The following STEAP3 variants were observed in gnomAD, a reference collection of about 807,000 sequenced individuals.
STEAP3 encodes the protein metalloreductase STEAP3.
STEAP3 carries 35 observed loss-of-function variants against 34.9 expected under a neutral mutation model. That is an observed-to-expected ratio of 1.00 (90% CI 0.76 to 1.33). The LOEUF (loss-of-function observed/expected upper bound fraction) is 1.33. Among genes scored for constraint, STEAP3 ranks in the 40% most tolerant of loss-of-function variants. STEAP3 has a pLI of 0.00. For missense variants in STEAP3, 652 were observed against 667.6 expected (o/e 0.98, Z 0.26); for synonymous variants, 281 against 301.6 (o/e 0.93, Z 0.71).
At chr2:119,246,016 G>T in intron 3 of STEAP3, 28 bp downstream of exon 3, 4 of 1,587,030 alleles carry the variant, frequency 2.5e-6, no homozygotes, top group South Asian at 1.1e-5. Flanking sequence ...AATACCCATC[G>T]TAACAATAAA....
At position 119,245,797 on chromosome 2, in the gene STEAP3, A is replaced by G; in HGVS notation, c.331A>G (p.Ser111Gly). 1 of 1,614,212 alleles carries G rather than the reference A, an allele frequency of 6.2e-7. No individual in the cohort carries two copies. The highest frequency in any genetic ancestry group is 8.5e-7 in the Non-Finnish European group (1 of 1,180,038). Residue 111 changes from serine (S) to glycine (G), a missense_variant, in exon 3 of 6, where the codon AGT (serine) becomes GGT (glycine). Ser to Gly is a moderately conservative substitution (Grantham distance 56). Transcript: ENST00000393110. ...VFREHYSSLC[S>G]LSDQLAGKIL... Reference sequence around the variant, plus strand: ...CCGGGAGCACTACTCTTCACTGTGCAGTCTCAGTGACCAGCTGGCGGGCAA... The same window carrying G: ...CCGGGAGCACTACTCTTCACTGTGCGGTCTCAGTGACCAGCTGGCGGGCAA...
chr2:119,260,861 G>T (rs1677922060), intron 5 of STEAP3, among the ~76,000 whole-genome samples: 1 of 152,164 alleles, frequency 6.6e-6, no homozygotes, highest in African/African-American at 2.4e-5. Flanking sequence ...ACTCTTCGTG[G>T]TGAGCCAGAA....
intron 1 of STEAP3, among the ~76,000 whole-genome samples, chr2:119,226,025 A>G (rs1036225387): frequency 2.0e-5 from 3 of 152,230 alleles, no homozygotes; most frequent in South Asian, 2.1e-4. Flanking sequence ...TAGCTTTCCT[A>G]GAGAAGGCAA....
intron 5 of STEAP3, among the ~76,000 whole-genome samples, chr2:119,261,133 G>A (rs1677929024): frequency 6.6e-6 from 1 of 152,026 alleles, no homozygotes; most frequent in African/African-American, 2.4e-5. Context: ...TGTCTGTCCT[G>A]GAGCAGGAAA....
intron 2 of STEAP3, chr2:119,245,211 T>C (rs2104817873): frequency 2.2e-6 from 1 of 447,352 alleles, no homozygotes; most frequent in East Asian, 3.4e-5. Context: ...CCCAGCACTC[T>C]CACTCTGCCA....
At chr2:119,232,729 G>A (rs1246701797) in intron 2 of STEAP3, among the ~76,000 whole-genome samples, 1 of 152,144 alleles carries the variant, frequency 6.6e-6, no homozygotes, top group Admixed American at 6.5e-5. Context: ...CATATCCAAG[G>A]GTGTTAGTTT....
At chr2:119,255,430 T>A (rs1375624969) in intron 5 of STEAP3, among the ~76,000 whole-genome samples, 1 of 152,192 alleles carries the variant, frequency 6.6e-6, no homozygotes, top group East Asian at 1.9e-4. Context: ...AAAGGAGGTC[T>A]GTCATCAGAT....
Position 119,248,014 on chromosome 2 carries a change from G to A in STEAP3, c.858G>A (p.Leu286=), listed in dbSNP as rs753933643. ...LLSLVYLPGV[L]AAALQLRRGT... is the part of the protein sequence containing the mutation. ...CACTCGTGTACTTGCCCGGCGTGCT[G>A]GCGGCTGCCCTGCAGCTGCGGCGCG... The change falls in exon 4 of 6, where the codon CTG becomes CTA. Residue 286 remains leucine, a synonymous_variant. Transcript: ENST00000393110. The A allele has an allele frequency of 1.6e-5, 26 of 1,610,810 alleles. No individual in the cohort carries two copies. Among genetic ancestry groups the A allele is most frequent in the Non-Finnish European group, 5.9e-6 (7 of 1,179,896 alleles).
intron 2 of STEAP3, among the ~76,000 whole-genome samples, chr2:119,242,294 TCC>T (rs1467626509): frequency 1.3e-5 from 2 of 152,152 alleles, no homozygotes; most frequent in Non-Finnish European, 2.9e-5. Context: ...CTACTCTTCC[TCC>T]CCATCAGGGC....
At chr2:119,260,526 C>G (rs935751245) in intron 5 of STEAP3, among the ~76,000 whole-genome samples, 1 of 152,118 alleles carries the variant, frequency 6.6e-6, no homozygotes, top group Non-Finnish European at 1.5e-5. Flanking sequence ...GAACTCCCAA[C>G]CTCAGGTGAT....
At chr2:119,251,443 G>A (rs1019758689) in intron 4 of STEAP3, among the ~76,000 whole-genome samples, 1 of 152,126 alleles carries the variant, frequency 6.6e-6, no homozygotes, top group East Asian at 1.9e-4. Flanking sequence ...AGGGCATTTG[G>A]ATTTGCTTGT....
In STEAP3 at chr2:119,245,741, G is replaced by A; in HGVS notation, c.275G>A (p.Ser92Asn). 1 of 1,614,230 alleles carries A rather than the reference G, an allele frequency of 6.2e-7. No homozygotes were observed. The highest frequency in any genetic ancestry group is 1.3e-5 in the African/African-American group (1 of 75,072). The change falls in exon 3 of 6, where the codon AGC becomes AAC. Residue 92 changes from serine to asparagine, a missense_variant. Ser to Asn is a conservative substitution (Grantham distance 46). Transcript: ENST00000393110. ...GTGACTTTCCAAGAGGAGGCAGTGAGCTCCCCGGAGGTCATCTTTGTGGCT... is the reference window on the plus strand; with the variant it reads ...GTGACTTTCCAAGAGGAGGCAGTGAACTCCCCGGAGGTCATCTTTGTGGCT... ...AQVTFQEEAV[S>N]SPEVIFVAVF...
rs190673111 is a variant in STEAP3 at position 119,263,583 on chromosome 2, G to T, written c.*245G>T. 1.6e-4 allele frequency: 96 copies of T among 595,334 alleles called. 2 individuals are homozygous for T. In the African/African-American group the frequency reaches 1.6e-3, roughly 10 times the overall value. 36.9% of individuals were successfully genotyped at this position (595,334 alleles called of 1,614,324 possible). ...GCAATTATACATAGCTAGCTAAAAA[G>T]TTGGGTCTCTGAGATTTCAACTTGT... On this transcript the variant is annotated 3_prime_UTR_variant, in exon 6 of 6. Coordinates refer to ENST00000393110, the MANE Select transcript of STEAP3 (RefSeq NM_182915.3).
intron 4 of STEAP3, 173 bp downstream of exon 4, chr2:119,248,379 G>T (rs762131764): frequency 3.0e-5 from 22 of 738,282 alleles, no homozygotes; most frequent in Middle Eastern, 2.7e-4. Flanking sequence ...AAGATTTTGA[G>T]TATCAGTGAA....
intron 2 of STEAP3, among the ~76,000 whole-genome samples, chr2:119,239,617 A>T (rs1019631441): frequency 6.6e-6 from 1 of 152,152 alleles, no homozygotes; most frequent in East Asian, 1.9e-4. Context: ...CGTTTGCTCA[A>T]TGCAGGCCCC....
At chr2:119,228,662 C>CCT (rs2104787425) in intron 1 of STEAP3, among the ~76,000 whole-genome samples, 1 of 152,222 alleles carries the variant, frequency 6.6e-6, no homozygotes, top group South Asian at 2.1e-4. Flanking sequence ...CTGGGAAAGC[C>CCT]CTGCCCTCCT....
chr2:119,248,163 G>T lies in STEAP3; in HGVS notation c.1007G>T (p.Arg336Leu), dbSNP rs184644411. The change falls in exon 4 of 6, where the codon CGC becomes CTC. Residue 336 changes from arginine (R) to leucine (L), a missense_variant. Coordinates refer to ENST00000393110, the MANE Select transcript of STEAP3 (RefSeq NM_182915.3). Reference protein sequence around the residue: ...HALYSFCLPLRRAHRYDLVNL... With the variant: ...HALYSFCLPLLRAHRYDLVNL... Reference sequence around the variant, plus strand: ...CTCTACAGCTTCTGCTTGCCGCTGCGCCGCGCCCACCGCTACGACCTGGTC... The same window carrying T: ...CTCTACAGCTTCTGCTTGCCGCTGCTCCGCGCCCACCGCTACGACCTGGTC... The T allele has an allele frequency of 1.2e-6, 2 of 1,604,746 alleles. No individual in the cohort carries two copies. The highest frequency in any genetic ancestry group is 1.1e-5 in the South Asian group (1 of 90,824).
rs1180444935 is a variant in STEAP3 at position 119,249,752 on chromosome 2, G to T, written c.1050+1546G>T. ...GCTGCTTCTCTGCCAGCAGCTACTCGACTGCCCTCGTCCTTTGCCACCCAC... is the reference window on the plus strand; with the variant it reads ...GCTGCTTCTCTGCCAGCAGCTACTCTACTGCCCTCGTCCTTTGCCACCCAC... On this transcript the variant is annotated intron_variant, in intron 4 of 5. Transcript: ENST00000393110. Among the ~76,000 whole-genome samples, 4 of 152,164 alleles carry T rather than the reference G, an allele frequency of 2.6e-5. No homozygotes were observed. In the South Asian group the frequency reaches 8.3e-4, roughly 31 times the overall value.
chr2:119,253,323 C>A (rs7596511), intron 4 of STEAP3, among the ~76,000 whole-genome samples: 1 of 152,084 alleles, frequency 6.6e-6, no homozygotes, highest in African/African-American at 2.4e-5. Flanking sequence ...TAGAACAGAG[C>A]CAATCATTTT....
Sources: allele counts gnomAD v4.1 joint callset (sites outside exome capture counted in the v4.1 genomes callset), GRCh38; gene constraint gnomAD v4.1.1; transcripts MANE v1.5; gene names NCBI Gene and HGNC (gene_info 2026-07-23, HGNC 2026-07-21).